The following KIAA1328 variants were observed in gnomAD, a reference collection of about 807,000 sequenced individuals.
The protein encoded by KIAA1328 is protein hinderin.
A neutral mutation model predicts 68.1 loss-of-function variants in KIAA1328; 52 were observed. That is an observed-to-expected ratio of 0.76 (90% CI 0.61 to 0.96). The LOEUF is 0.96. Among genes scored for constraint, KIAA1328 ranks in the 40% least tolerant of loss-of-function variants. The probability of loss-of-function intolerance (pLI) is 0.00; values close to 1 mark genes in which losing one functional copy is unlikely to be tolerated. For missense variants in KIAA1328, 641 were observed against 677.6 expected (o/e 0.95, Z 0.60); for synonymous variants, 232 against 239.4 (o/e 0.97, Z 0.28).
chr18:36,949,234 CTTTTAAACAAAAA>C (rs1357254661), intron 5 of KIAA1328, among the ~76,000 whole-genome samples: 1 of 152,034 alleles, frequency 6.6e-6, no homozygotes, highest in Non-Finnish European at 1.5e-5. Flanking sequence ...AAACATAGAA[CTTTTAAACAAAAA>C]ATAAATTTTT....
At chr18:36,843,869 G>A (rs2046940175) in intron 3 of KIAA1328, among the ~76,000 whole-genome samples, 2 of 152,134 alleles carry the variant, frequency 1.3e-5, no homozygotes, top group Non-Finnish European at 2.9e-5. Context: ...GCAGCGTGGG[G>A]ACTATGGTGT....
intron 7 of KIAA1328, among the ~76,000 whole-genome samples, chr18:37,140,462 G>A (rs1423451455): frequency 4.6e-5 from 7 of 152,046 alleles, no homozygotes; most frequent in Non-Finnish European, 8.8e-5. Context: ...AGACTATCGC[G>A]ATATAAGATT....
intron 4 of KIAA1328, among the ~76,000 whole-genome samples, chr18:36,870,229 C>G (rs1384580202): frequency 1.3e-5 from 2 of 152,080 alleles, no homozygotes; most frequent in Non-Finnish European, 2.9e-5. Flanking sequence ...ATCCTTTGCT[C>G]TGTGATCTGA....
intron 5 of KIAA1328, among the ~76,000 whole-genome samples, chr18:36,943,079 A>C (rs2050770383): frequency 6.6e-6 from 1 of 152,186 alleles, no homozygotes; most frequent in South Asian, 2.1e-4. Context: ...CTTGGTGTGC[A>C]CTGAAGGAGC....
intron 6 of KIAA1328, among the ~76,000 whole-genome samples, chr18:37,024,969 G>A (rs1269266766): frequency 6.6e-6 from 1 of 152,136 alleles, no homozygotes; most frequent in Non-Finnish European, 1.5e-5. Context: ...TTCCACAGTG[G>A]TTGAACAAGT....
At chr18:36,959,494 G>A (rs569794476) in intron 6 of KIAA1328, 59 bp downstream of exon 6, 3 of 1,537,128 alleles carry the variant, frequency 2.0e-6, no homozygotes, top group Admixed American at 2.2e-5. Context: ...TGTCAGAAGA[G>A]CCATTTGTTT....
chr18:37,223,355 G>C lies in KIAA1328; in HGVS notation c.*1128G>C. 1 of 985,360 alleles carries C rather than the reference G, an allele frequency of 1.0e-6. No individual in the cohort carries two copies. The highest frequency in any genetic ancestry group is 1.2e-6 in the Non-Finnish European group (1 of 829,940). The allele number at this position is 985,360 out of a possible 1,614,324, so 61.0% of individuals were successfully genotyped here. A position where few individuals can be genotyped will look rare whatever the true frequency, so the allele number is the denominator to read the frequency against. On this transcript the variant is annotated 3_prime_UTR_variant, in exon 10 of 10. Transcript: ENST00000280020. ...AAGCCTATGGAAGTTATGCAGTGCA[G>C]ACCTCATCCTGTCTGCTGTCTTTTC...
At chr18:37,111,289 G>A (rs72892546) in intron 7 of KIAA1328, among the ~76,000 whole-genome samples, 4,251 of 152,278 alleles carry the variant, frequency 0.028, 84 homozygotes, top group Middle Eastern at 0.065. Context: ...TTTCAGGAAA[G>A]CCTCAGGTCT....
chr18:36,831,418 G>T (rs763228994), intron 1 of KIAA1328, among the ~76,000 whole-genome samples: 9 of 152,160 alleles, frequency 5.9e-5, no homozygotes, highest in Non-Finnish European at 1.5e-5. Context: ...TGAGTGTGTG[G>T]TGTTGTCATG....
At chr18:36,974,157 G>A (rs1237671558) in intron 6 of KIAA1328, among the ~76,000 whole-genome samples, 1 of 152,060 alleles carries the variant, frequency 6.6e-6, no homozygotes, top group Non-Finnish European at 1.5e-5. Context: ...CTCAGAAGAA[G>A]GCTTTTTTCT....
At chr18:37,096,967 G>A (rs1330963343) in intron 7 of KIAA1328, among the ~76,000 whole-genome samples, 1 of 152,110 alleles carries the variant, frequency 6.6e-6, no homozygotes, top group Non-Finnish European at 1.5e-5. Flanking sequence ...GTAGATTCTG[G>A]ATATTAGCCC....
intron 7 of KIAA1328, among the ~76,000 whole-genome samples, chr18:37,114,093 A>C (rs2058029229): frequency 6.6e-6 from 1 of 152,228 alleles, no homozygotes; most frequent in Non-Finnish European, 1.5e-5. Context: ...AACATTAGAC[A>C]GATCAACGAG....
At chr18:37,069,701 A>G (rs770607356) in intron 7 of KIAA1328, among the ~76,000 whole-genome samples, 1 of 152,150 alleles carries the variant, frequency 6.6e-6, no homozygotes, top group Non-Finnish European at 1.5e-5. Flanking sequence ...TAATACTTAC[A>G]AGGCTATTCA....
At chr18:37,160,744 T>A (rs906458226) in intron 8 of KIAA1328, among the ~76,000 whole-genome samples, 1 of 152,182 alleles carries the variant, frequency 6.6e-6, no homozygotes, top group African/African-American at 2.4e-5. Context: ...CTACAGTTAA[T>A]CCTCAATTGA....
At chr18:37,025,380 A>G (rs1055386966) in intron 6 of KIAA1328, among the ~76,000 whole-genome samples, 6 of 152,222 alleles carry the variant, frequency 3.9e-5, no homozygotes, top group African/African-American at 1.4e-4. Flanking sequence ...AACCTAATAG[A>G]CATATACAGA....
chr18:36,990,921 C>G (rs1450770464), intron 6 of KIAA1328, among the ~76,000 whole-genome samples: 1 of 152,150 alleles, frequency 6.6e-6, no homozygotes, highest in East Asian at 1.9e-4. Flanking sequence ...AGAATGGCAG[C>G]CTTTGCCTTG....
intron 6 of KIAA1328, among the ~76,000 whole-genome samples, chr18:37,033,999 A>G (rs919910898): frequency 3.9e-5 from 6 of 152,120 alleles, no homozygotes; most frequent in African/African-American, 7.2e-5. Context: ...TATTTTGTCT[A>G]ATTTTCTAAT....
At chr18:37,201,380 G>A (rs2060111465) in intron 9 of KIAA1328, among the ~76,000 whole-genome samples, 1 of 152,002 alleles carries the variant, frequency 6.6e-6, no homozygotes, top group Non-Finnish European at 1.5e-5. Context: ...TTGTAGCCAG[G>A]AAATAATTCA....
At chr18:36,887,259 C>T (rs1295696698) in intron 5 of KIAA1328, among the ~76,000 whole-genome samples, 1 of 152,054 alleles carries the variant, frequency 6.6e-6, no homozygotes. Context: ...AGTGCTCAGC[C>T]AGTTTTATTT....
Sources: allele counts gnomAD v4.1 joint callset (sites outside exome capture counted in the v4.1 genomes callset), GRCh38; gene constraint gnomAD v4.1.1; transcripts MANE v1.5; gene names NCBI Gene and HGNC (gene_info 2026-07-23, HGNC 2026-07-21).